Variants in LRIG2 observed in about 807,000 individuals in gnomAD.
The protein encoded by LRIG2 is leucine-rich repeats and immunoglobulin-like domains protein 2.
A neutral mutation model predicts 107.8 loss-of-function variants in LRIG2; 93 were observed. The ratio of observed to expected loss-of-function variants is 0.86; its 90% CI spans 0.73 to 1.03. The LOEUF is 1.03. LRIG2 is among the 50% of genes least tolerant of loss of function. The pLI is 0.00. For synonymous variants in LRIG2, 471 were observed against 470.6 expected, an observed-to-expected ratio of 1.00 and a Z score of -0.01; for missense variants, 1,226 against 1,296.0, an observed-to-expected ratio of 0.95 and a Z score of 0.83.
rs1272286560 is a variant in LRIG2, at chr1:113,098,778, A to G, written c.1165A>G (p.Thr389Ala). The part of the protein sequence containing the change: ...SEAFAGLTSL[T>A]KLILQGNQIK... ...AGCCTTTGCTGGACTCACAAGTCTC[A>G]CTAAACTGTATGTATTATAATATTT... Residue 389 changes from threonine (T) to alanine (A), a missense_variant, in exon 9 of 18, where the codon ACT (threonine) becomes GCT (alanine). Physicochemically the swap from Thr to Ala is moderately conservative, Grantham distance 58 (BLOSUM62 0). Around this residue, in one of 3 missense-constraint regions of LRIG2, gnomAD observed 570 missense variants for 550.2 expected, o/e 1.04. Transcript: ENST00000361127. 6.3e-7 allele frequency: 1 copy of G among 1,592,666 alleles called. No homozygotes were observed. Among genetic ancestry groups the G allele is most frequent in the Admixed American group, 1.7e-5 (1 of 59,996 alleles).
In LRIG2 at chr1:113,073,307, GGAGACAGTGCAGCCACCGA is replaced by G; in HGVS notation, c.-98_-80del. ...GGTACAGCCTTCAGCCGGGGCTTCG[GGAGACAGTGCAGCCACCGA>G]GCATCTCTGCTGAGCTTCTCCGCCG... On this transcript the variant is annotated 5_prime_UTR_variant, in exon 1 of 18. The change creates a premature stop within an existing upstream ORF in the 5' untranslated region. Transcript: ENST00000361127. The G allele has an allele frequency of 1.0e-6, 1 of 972,842 alleles. No homozygotes were observed. The highest frequency in any genetic ancestry group is 2.4e-5 in the East Asian group (1 of 41,800). The allele number at this position is 972,842 out of a possible 1,614,324, so 60.3% of individuals were successfully genotyped here.
chr1:113,106,944 TAAAGG>T (rs942464895), intron 11 of LRIG2, among the ~76,000 whole-genome samples: 91 of 152,192 alleles, frequency 6.0e-4, no homozygotes, highest in Admixed American at 4.0e-3. Context: ...CTCAAAAATT[TAAAGG>T]AAGGTACAAT....
At chr1:113,113,330 C>A (rs1654852431) in intron 14 of LRIG2, among the ~76,000 whole-genome samples, 1 of 150,964 alleles carries the variant, frequency 6.6e-6, no homozygotes, top group Non-Finnish European at 1.5e-5. Context: ...CCCCTGCTGG[C>A]CTGGGTTTTT....
intron 6 of LRIG2, 29 bp from the exon 7 acceptor site, chr1:113,095,845 T>G: frequency 6.2e-7 from 1 of 1,613,518 alleles, no homozygotes; most frequent in South Asian, 1.1e-5. Flanking sequence ...TTTTGGAACG[T>G]ATTTTCTTCT....
At chr1:113,085,453 T>A (rs772526873) in intron 1 of LRIG2, among the ~76,000 whole-genome samples, 2 of 152,154 alleles carry the variant, frequency 1.3e-5, no homozygotes, top group Non-Finnish European at 2.9e-5. Context: ...CCTGGCTAAT[T>A]TTGTATTTTT....
In LRIG2 at chr1:113,091,334, C is replaced by G. The variant is rs554758747; in HGVS notation, c.256C>G (p.Arg86Gly). 1 of 1,603,716 alleles carries G rather than the reference C, an allele frequency of 6.2e-7. No individual in the cohort carries two copies. Among genetic ancestry groups the G allele is most frequent in the Non-Finnish European group, 8.5e-7 (1 of 1,173,404 alleles). Residue 86 changes from arginine (R) to glycine (G), a missense_variant, in exon 2 of 18, where the codon CGG becomes GGG. Physicochemically the swap from Arg to Gly is moderately radical, Grantham distance 125. This residue lies in a region of LRIG2 where 570 missense variants were observed against 550.2 expected (regional missense o/e 1.04). Coordinates refer to ENST00000361127, the MANE Select transcript of LRIG2 (RefSeq NM_014813.3). ...CTCTTTCAGGGATTTCAGTCATAAT[C>G]GGTTGTCTAACTGGAACATCAGCTT... is the stretch of plus-strand genomic sequence containing the variant. ...DTAILDFSHN[R>G]LSNWNISLES... is the part of the protein sequence containing the mutation.
rs952515335 is a variant in LRIG2, at chr1:113,123,930, T to G, written c.3027T>G (p.Pro1009=). 8.1e-6 allele frequency: 13 copies of G among 1,614,068 alleles called. No individual in the cohort carries two copies. Among genetic ancestry groups the G allele is most frequent in the Non-Finnish European group, 1.1e-5 (13 of 1,180,042 alleles). The change falls in exon 18 of 18, where the codon CCT becomes CCG. Residue 1009 remains proline, a synonymous_variant. Coordinates refer to ENST00000361127, the MANE Select transcript of LRIG2 (RefSeq NM_014813.3). ...NINRELGLPH[P]PFSQQPVHES... ...ACAGAGAACTAGGCCTGCCTCATCC[T>G]CCTTTTTCCCAGCAGCCAGTCCATG...
chr1:113,097,947 T>A (rs567695783), intron 8 of LRIG2, among the ~76,000 whole-genome samples: 1 of 152,222 alleles, frequency 6.6e-6, no homozygotes, highest in Non-Finnish European at 1.5e-5. Flanking sequence ...AGGGATCTCC[T>A]CTTTACTGCT....
intron 1 of LRIG2, among the ~76,000 whole-genome samples, chr1:113,085,325 C>T (rs1653497968): frequency 6.6e-6 from 1 of 152,014 alleles, no homozygotes; most frequent in African/African-American, 2.4e-5. Context: ...TTCTTGTTGC[C>T]CAGGCTGGAG....
At position 113,114,772 on chromosome 1, in the gene LRIG2, T is replaced by A; in HGVS notation, c.2426T>A (p.Val809Asp). ...EDDGWTTVGI[V>D]IIVVVCCVVG... is the part of the protein sequence containing the mutation. ...GATGGCTGGACCACAGTTGGCATTG[T>A]CATCATTGTTGTGGTCTGCTGTGTT... Residue 809 changes from valine (V) to aspartate (D), a missense_variant, in exon 15 of 18, where the codon GTC becomes GAC. Val to Asp is a radical substitution (Grantham distance 152). Transcript: ENST00000361127. The A allele has an allele frequency of 6.2e-7, 1 of 1,614,202 alleles. No individual in the cohort carries two copies. Among genetic ancestry groups the A allele is most frequent in the South Asian group, 1.1e-5 (1 of 91,088 alleles).
At chr1:113,086,465 C>T (rs568859408) in intron 1 of LRIG2, among the ~76,000 whole-genome samples, 43 of 152,150 alleles carry the variant, frequency 2.8e-4, no homozygotes, top group Non-Finnish European at 5.3e-4. Context: ...TACAAAGGGC[C>T]TCTTTGTCAG....
Position 113,125,227 on chromosome 1 carries a change from G to T in LRIG2, c.*1126G>T, listed in dbSNP as rs1655439125. 6.6e-6 allele frequency: 1 copy of T among 152,114 alleles called. No individual in the cohort carries two copies. Among genetic ancestry groups the T allele is most frequent in the African/African-American group, 2.4e-5 (1 of 41,422 alleles). 9.4% of individuals were successfully genotyped at this position (152,114 alleles called of 1,614,324 possible). On this transcript the variant is annotated 3_prime_UTR_variant, in exon 18 of 18. Coordinates refer to ENST00000361127, the MANE Select transcript of LRIG2 (RefSeq NM_014813.3). ...ACTTGTTAAGAAGTGTATCTATAGA[G>T]GCAGCTACTTAGTGATTGTATACAC...
At chr1:113,099,103 A>G (rs1273255958) in intron 9 of LRIG2, among the ~76,000 whole-genome samples, 4 of 151,116 alleles carry the variant, frequency 2.6e-5, no homozygotes, top group African/African-American at 9.7e-5. Flanking sequence ...TGCCCAGCTA[A>G]TTTTTGTATT....
intron 2 of LRIG2, among the ~76,000 whole-genome samples, chr1:113,091,772 A>AAT (rs1316854099): frequency 2.6e-5 from 4 of 152,220 alleles, no homozygotes; most frequent in Admixed American, 2.6e-4. Flanking sequence ...ATTTATATGA[A>AAT]ATAGAGTATT....
At chr1:113,113,527 C>T (rs1654864232) in intron 14 of LRIG2, among the ~76,000 whole-genome samples, 1 of 138,452 alleles carries the variant, frequency 7.2e-6, no homozygotes, top group East Asian at 2.1e-4. Context: ...AATAAGAAGT[C>T]ATTTATTTAT....
At chr1:113,102,218 A>G in intron 11 of LRIG2, among the ~76,000 whole-genome samples, 1 of 152,232 alleles carries the variant, frequency 6.6e-6, no homozygotes, top group South Asian at 2.1e-4. Context: ...TTTGATATTA[A>G]TCATCTTATT....
At chr1:113,097,591 C>A (rs1022606627) in intron 8 of LRIG2, among the ~76,000 whole-genome samples, 1 of 152,164 alleles carries the variant, frequency 6.6e-6, no homozygotes, top group Non-Finnish European at 1.5e-5. Flanking sequence ...TAGCTGCAGC[C>A]TTTTGGCAGT....
At chr1:113,094,516 A>T in intron 5 of LRIG2, 34 bp downstream of exon 5, 1 of 1,580,782 alleles carries the variant, frequency 6.3e-7, no homozygotes, top group Non-Finnish European at 8.6e-7. Context: ...ATAAGAAGAT[A>T]GTTTTTTCTT....
chr1:113,079,740 CTTTT>C (rs1052163783), intron 1 of LRIG2, among the ~76,000 whole-genome samples: 14 of 128,820 alleles, frequency 1.1e-4, no homozygotes, highest in African/African-American at 2.9e-4. Flanking sequence ...CAGGAGAAAT[CTTTT>C]TTTTTTTTTT....
Sources: gnomAD v4.1 joint callset for allele counts (sites outside exome capture counted in the v4.1 genomes callset) on GRCh38, gnomAD v4.1.1 for gene constraint, gnomAD v4.1.1 regional missense constraint, MANE v1.5 for transcripts, NCBI Gene and HGNC (gene_info 2026-07-23, HGNC 2026-07-21) for gene names.